The following MED12L variants were observed in gnomAD, a reference collection of about 807,000 sequenced individuals.
MED12L encodes mediator of RNA polymerase II transcription subunit 12-like protein.
MED12L carries 60 observed loss-of-function variants against 281.3 expected under a neutral mutation model. The observed-to-expected ratio is 0.21, with a 90% CI of 0.17 to 0.26. MED12L has a LOEUF of 0.26. Among genes scored for constraint, MED12L ranks in the 10% least tolerant of loss-of-function variants. The probability of loss-of-function intolerance (pLI) is 1.00; values close to 1 mark genes in which losing one functional copy is unlikely to be tolerated. For missense variants in MED12L, 2,146 were observed against 2,680.9 expected, an observed-to-expected ratio of 0.80 and a Z score of 4.41; for synonymous variants, 974 against 987.2, an observed-to-expected ratio of 0.99 and a Z score of 0.25.
intron 16 of MED12L, among the ~76,000 whole-genome samples, chr3:151,347,123 C>T (rs1752640619): frequency 6.6e-6 from 1 of 151,144 alleles, no homozygotes; most frequent in Non-Finnish European, 1.5e-5. Context: ...TCTTCATTCC[C>T]ACCACTAAAA....
At chr3:151,338,015 G>A (rs1751255394) in intron 16 of MED12L, 1 of 1,614,096 alleles carries the variant, frequency 6.2e-7, no homozygotes, top group Non-Finnish European at 8.5e-7. Flanking sequence ...CTTTCACATA[G>A]AACAGAGTAT....
intron 37 of MED12L, among the ~76,000 whole-genome samples, chr3:151,389,017 A>G (rs1284763485): frequency 1.3e-5 from 2 of 152,228 alleles, no homozygotes; most frequent in Non-Finnish European, 2.9e-5. Flanking sequence ...TGAGAACTAA[A>G]ATACATCTTT....
At chr3:151,224,284 T>C (rs901136623) in intron 16 of MED12L, among the ~76,000 whole-genome samples, 6 of 152,316 alleles carry the variant, frequency 3.9e-5, no homozygotes, top group African/African-American at 1.4e-4. Context: ...AAAGCTTTAA[T>C]ACACAGTGCT....
intron 16 of MED12L, among the ~76,000 whole-genome samples, chr3:151,283,163 T>C (rs990320932): frequency 2.0e-5 from 3 of 152,222 alleles, no homozygotes; most frequent in African/African-American, 7.2e-5. Flanking sequence ...AAAAAATTAA[T>C]AGGTGCAATT....
chr3:151,330,433 T>C (rs1750221727), intron 16 of MED12L, among the ~76,000 whole-genome samples: 3 of 152,242 alleles, frequency 2.0e-5, no homozygotes, highest in South Asian at 4.1e-4. Flanking sequence ...TTTTTTGCTT[T>C]AATTCTCTTC....
chr3:151,207,638 T>C (rs1347598227), intron 16 of MED12L, among the ~76,000 whole-genome samples: 1 of 152,140 alleles, frequency 6.6e-6, no homozygotes, highest in Non-Finnish European at 1.5e-5. Flanking sequence ...GAGCTGTCAA[T>C]TGGGCAGTAT....
At chr3:151,224,990 A>G (rs1191878678) in intron 16 of MED12L, among the ~76,000 whole-genome samples, 4 of 152,214 alleles carry the variant, frequency 2.6e-5, no homozygotes. Context: ...TTACATCTTT[A>G]AAATATTTTA....
chr3:151,141,559 C>T (rs899992620), intron 5 of MED12L, among the ~76,000 whole-genome samples: 3 of 152,168 alleles, frequency 2.0e-5, no homozygotes, highest in Non-Finnish European at 4.4e-5. Context: ...TACCTGTAAT[C>T]ATATAGGAAA....
Position 151,165,927 on chromosome 3 carries a change from T to C in MED12L, c.1439T>C (p.Met480Thr), listed in dbSNP as rs1253857984. 5 of 1,614,052 alleles carry C rather than the reference T, an allele frequency of 3.1e-6. No homozygotes were observed. The highest frequency in any genetic ancestry group is 4.2e-6 in the Non-Finnish European group (5 of 1,179,922). ...CFDRTDSSNS[M>T]ETLYHKIFWA... is the part of the protein sequence containing the mutation. Reference sequence around the variant, plus strand: ...GACCGAACTGATTCCAGCAATTCCATGGAGACACTTTATCATAAGATTTTC... The same window carrying C: ...GACCGAACTGATTCCAGCAATTCCACGGAGACACTTTATCATAAGATTTTC... Residue 480 changes from methionine to threonine, a missense_variant, in exon 11 of 45, where the codon ATG becomes ACG. Transcript: ENST00000687756.
chr3:151,346,453 T>C (rs1752548348), intron 16 of MED12L, among the ~76,000 whole-genome samples: 1 of 152,124 alleles, frequency 6.6e-6, no homozygotes, highest in African/African-American at 2.4e-5. Context: ...CATCATCACC[T>C]CTTACTTTAA....
At chr3:151,177,858 T>C (rs1449304871) in intron 11 of MED12L, among the ~76,000 whole-genome samples, 1 of 152,178 alleles carries the variant, frequency 6.6e-6, no homozygotes, top group Non-Finnish European at 1.5e-5. Flanking sequence ...AATACTATTA[T>C]TGCCATGATT....
intron 16 of MED12L, among the ~76,000 whole-genome samples, chr3:151,253,650 T>C (rs893482757): frequency 6.6e-6 from 1 of 152,170 alleles, no homozygotes; most frequent in African/African-American, 2.4e-5. Context: ...ATTTTTTCTT[T>C]TTTTGTGAGG....
At chr3:151,339,030 A>G (rs979783982) in intron 16 of MED12L, among the ~76,000 whole-genome samples, 49 of 152,320 alleles carry the variant, frequency 3.2e-4, no homozygotes, top group African/African-American at 1.1e-3. Context: ...ATTTCATTGC[A>G]GCAAATATTG....
At position 151,087,036 on chromosome 3, in the gene MED12L, C is replaced by T. The variant is rs1255417102; in HGVS notation, c.99+11C>T. 6.3e-7 allele frequency: 1 copy of T among 1,596,476 alleles called. No individual in the cohort carries two copies. The highest frequency in any genetic ancestry group is 1.3e-5 in the African/African-American group (1 of 74,634). On this transcript the variant is annotated intron_variant, in intron 2 of 44. Coordinates refer to ENST00000687756, the MANE Select transcript of MED12L (RefSeq NM_001393769.1). ...CCCAAGCAGAAGGAGGTAAGGGCGC[C>T]GGCGGCCTCCCCGGCAACCGGGGCC...
At chr3:151,332,937 T>C (rs375107013) in intron 16 of MED12L, among the ~76,000 whole-genome samples, 2 of 152,156 alleles carry the variant, frequency 1.3e-5, no homozygotes, top group East Asian at 3.9e-4. Context: ...TGTTGTTTCC[T>C]TCTTTGTGTC....
intron 16 of MED12L, chr3:151,338,064 A>G (rs771757422): frequency 6.2e-7 from 1 of 1,614,038 alleles, no homozygotes. Context: ...GGTTTGGCTC[A>G]GGGTGTAAGG....
At chr3:151,237,330 G>A (rs1000519932) in intron 16 of MED12L, among the ~76,000 whole-genome samples, 18 of 140,036 alleles carry the variant, frequency 1.3e-4, no homozygotes, top group Middle Eastern at 4.2e-3. Flanking sequence ...GAGCCACCAC[G>A]CCTGGCTTTT....
chr3:151,157,779 T>C (rs773718916), intron 6 of MED12L, among the ~76,000 whole-genome samples: 1 of 152,220 alleles, frequency 6.6e-6, no homozygotes, highest in Non-Finnish European at 1.5e-5. Flanking sequence ...ACCATTGCAG[T>C]GGAACACTGG....
intron 16 of MED12L, chr3:151,212,892 T>A (rs1276261369): frequency 6.5e-6 from 1 of 153,050 alleles, no homozygotes; most frequent in Non-Finnish European, 1.5e-5. Flanking sequence ...AGGACAGTGT[T>A]GAAAACAATT....
Sources: gnomAD v4.1 joint callset for allele counts (sites outside exome capture counted in the v4.1 genomes callset) on GRCh38, gnomAD v4.1.1 for gene constraint, MANE v1.5 for transcripts, NCBI Gene and HGNC (gene_info 2026-07-23, HGNC 2026-07-21) for gene names.